SLC30A9: variants seen among roughly 807,000 people sequenced by gnomAD.
SLC30A9 encodes proton-coupled zinc antiporter SLC30A9, mitochondrial.
A neutral mutation model predicts 87.5 loss-of-function variants in SLC30A9; 58 were observed. The observed-to-expected ratio is 0.66, with a 90% CI of 0.54 to 0.82. The LOEUF is 0.82. Among genes scored for constraint, SLC30A9 ranks in the 40% least tolerant of loss-of-function variants. The probability of loss-of-function intolerance (pLI) is 0.00; values close to 1 mark genes in which losing one functional copy is unlikely to be tolerated. For synonymous variants in SLC30A9, 234 were observed against 233.0 expected (o/e 1.00, Z -0.04); for missense variants, 557 against 679.1 (o/e 0.82, Z 2.00).
intron 17 of SLC30A9, 28 bp downstream of exon 17, chr4:42,078,353 ATG>A: frequency 8.6e-7 from 1 of 1,158,684 alleles, no homozygotes; most frequent in African/African-American, 1.5e-5. Flanking sequence ...AAATAACATA[ATG>A]ATAATGGCAG....
At position 42,089,597 on chromosome 4, in the gene SLC30A9, G is replaced by A. The variant is rs1302008968; in HGVS notation, c.*3471G>A. 1.3e-5 allele frequency: 2 copies of A among 152,102 alleles called. No individual in the cohort carries two copies. The highest frequency in any genetic ancestry group is 1.3e-4 in the Admixed American group (2 of 15,244). The allele number at this position is 152,102 out of a possible 1,614,324, so 9.4% of individuals were successfully genotyped here. A position where few individuals can be genotyped will look rare whatever the true frequency, so the allele number is the denominator to read the frequency against. Reference sequence around the variant, plus strand: ...CACACCCGGCTAATTTTGTATTTCTGGTTTAGACAAGGTTTCTCCATGTTG... The same window carrying A: ...CACACCCGGCTAATTTTGTATTTCTAGTTTAGACAAGGTTTCTCCATGTTG... On this transcript the variant is annotated 3_prime_UTR_variant, in exon 18 of 18. Transcript: ENST00000264451.
chr4:42,022,847 A>G lies in SLC30A9; in HGVS notation c.444A>G (p.Glu148=). 1.3e-6 allele frequency: 2 copies of G among 1,594,242 alleles called. No homozygotes were observed. Among genetic ancestry groups the G allele is most frequent in the Admixed American group, 1.7e-5 (1 of 58,624 alleles). Residue 148 remains glutamate, a synonymous_variant, in exon 5 of 18, where the codon GAA becomes GAG. Transcript: ENST00000264451. Reference sequence around the variant, plus strand: ...ATGTTTCTTTCTCTAGTGATCTAGAACAACTTCGAAAAATCAGACGACGAA... The same window carrying G: ...ATGTTTCTTTCTCTAGTGATCTAGAGCAACTTCGAAAAATCAGACGACGAA... ...NEFCLKSSDL[E]QLRKIRRRSP... is the part of the protein sequence containing the mutation.
intron 6 of SLC30A9, among the ~76,000 whole-genome samples, chr4:42,024,993 C>T (rs1716125335): frequency 6.6e-6 from 1 of 152,190 alleles, no homozygotes; most frequent in Non-Finnish European, 1.5e-5. Flanking sequence ...AACAGTCTAT[C>T]TTGAAATTTG....
intron 16 of SLC30A9, among the ~76,000 whole-genome samples, chr4:42,076,949 G>A (rs1166283057): frequency 4.9e-5 from 6 of 122,808 alleles, no homozygotes; most frequent in Non-Finnish European, 8.1e-5. Flanking sequence ...GCGACAGAGC[G>A]AGACTCCGTC....
chr4:42,048,295 A>T (rs1717251742), intron 8 of SLC30A9, among the ~76,000 whole-genome samples: 1 of 152,202 alleles, frequency 6.6e-6, no homozygotes, highest in African/African-American at 2.4e-5. Context: ...GGAGGTTAAG[A>T]GAAATGCTAA....
intron 15 of SLC30A9, 22 bp downstream of exon 15, chr4:42,070,713 C>G: frequency 6.3e-7 from 1 of 1,580,282 alleles, no homozygotes; most frequent in Non-Finnish European, 8.6e-7. Flanking sequence ...TCCAGTAATC[C>G]TGTTAAGGCT....
At chr4:41,995,266 C>CA (rs1248839803) in intron 1 of SLC30A9, among the ~76,000 whole-genome samples, 4 of 151,292 alleles carry the variant, frequency 2.6e-5, no homozygotes, top group South Asian at 4.2e-4. Flanking sequence ...GTCCCCCCAC[C>CA]AAAAAAAAGA....
At chr4:42,043,413 T>C (rs913005615) in intron 8 of SLC30A9, among the ~76,000 whole-genome samples, 1 of 152,002 alleles carries the variant, frequency 6.6e-6, no homozygotes, top group Non-Finnish European at 1.5e-5. Flanking sequence ...CATGAGAACT[T>C]TGTGAAGCAT....
intron 6 of SLC30A9, among the ~76,000 whole-genome samples, chr4:42,024,395 T>G (rs1333408452): frequency 6.6e-6 from 1 of 152,234 alleles, no homozygotes; most frequent in Non-Finnish European, 1.5e-5. Flanking sequence ...ATCATAACCG[T>G]TTTCCATATC....
intron 6 of SLC30A9, among the ~76,000 whole-genome samples, chr4:42,031,560 T>C (rs1376869698): frequency 6.6e-6 from 1 of 152,212 alleles, no homozygotes; most frequent in African/African-American, 2.4e-5. Context: ...ATATCAGCAT[T>C]TGGCAGTACC....
At chr4:42,054,518 T>C (rs1717522687) in intron 9 of SLC30A9, among the ~76,000 whole-genome samples, 1 of 145,288 alleles carries the variant, frequency 6.9e-6, no homozygotes, top group South Asian at 2.2e-4. Flanking sequence ...TGAGACAGAG[T>C]CTCGCTCTGT....
At chr4:42,063,831 C>G (rs183861508) in intron 11 of SLC30A9, among the ~76,000 whole-genome samples, 3 of 152,264 alleles carry the variant, frequency 2.0e-5, no homozygotes, top group Admixed American at 2.0e-4. Context: ...ATCACATAGC[C>G]TACCCTCTCA....
intron 7 of SLC30A9, among the ~76,000 whole-genome samples, chr4:42,036,936 C>T (rs2153137191): frequency 6.6e-6 from 1 of 152,276 alleles, no homozygotes; most frequent in East Asian, 1.9e-4. Context: ...CACTCCTCGC[C>T]TTCACATCTG....
At chr4:41,992,818 AAG>A (rs1036966826) in intron 1 of SLC30A9, among the ~76,000 whole-genome samples, 8 of 152,226 alleles carry the variant, frequency 5.3e-5, no homozygotes, top group African/African-American at 1.7e-4. Flanking sequence ...CATTTAGAAA[AAG>A]AGTACTATTT....
chr4:42,035,881 C>T (rs772708603), intron 7 of SLC30A9, among the ~76,000 whole-genome samples: 4 of 152,114 alleles, frequency 2.6e-5, no homozygotes, highest in African/African-American at 9.7e-5. Flanking sequence ...ATGAGGAAGA[C>T]TTTATTTTCT....
At chr4:42,010,241 A>G (rs1047058299) in intron 2 of SLC30A9, among the ~76,000 whole-genome samples, 31 of 152,170 alleles carry the variant, frequency 2.0e-4, no homozygotes, top group African/African-American at 7.0e-4. Context: ...TGGGAGGCCA[A>G]GGTGAAGGAT....
In SLC30A9 at chr4:41,990,672, C is replaced by T; in HGVS notation, c.21C>T (p.Ala7=). 1 of 1,607,504 alleles carries T rather than the reference C, an allele frequency of 6.2e-7. No homozygotes were observed. The highest frequency in any genetic ancestry group is 1.1e-5 in the South Asian group (1 of 90,754). Reference sequence around the variant, plus strand: ...CCAGGATGTTACCCGGCTTGGCCGCCGCCGCGGCCCACAGATGTAGCTGGT... The same window carrying T: ...CCAGGATGTTACCCGGCTTGGCCGCTGCCGCGGCCCACAGATGTAGCTGGT... MLPGLA[A]AAAHRCSWSS... is the part of the protein sequence containing the mutation. Residue 7 remains alanine (A), a synonymous_variant, in exon 1 of 18, where the codon GCC becomes GCT. Coordinates refer to ENST00000264451, the MANE Select transcript of SLC30A9 (RefSeq NM_006345.4).
At chr4:42,074,858 T>C (rs1718456121) in intron 15 of SLC30A9, among the ~76,000 whole-genome samples, 1 of 151,440 alleles carries the variant, frequency 6.6e-6, no homozygotes, top group Admixed American at 6.6e-5. Flanking sequence ...ATGAAGACTT[T>C]TAAAGAAGCT....
rs1235808269 is a variant in SLC30A9 at position 42,020,530 on chromosome 4, A to G, written c.434+15A>G. 5 of 1,398,908 alleles carry G rather than the reference A, an allele frequency of 3.6e-6. No homozygotes were observed. In the South Asian group the frequency reaches 4.7e-5, roughly 13 times the overall value. The allele number at this position is 1,398,908 out of a possible 1,614,324, so 86.7% of individuals were successfully genotyped here. ...CTCAAATCCAGGTAATTTTTTTAAA[A>G]AATGTAGCCGTGTGTCATATCTAAA... On this transcript the variant is annotated intron_variant, in intron 4 of 17. Transcript: ENST00000264451.
Sources: allele counts gnomAD v4.1 joint callset (sites outside exome capture counted in the v4.1 genomes callset), GRCh38; gene constraint gnomAD v4.1.1; transcripts MANE v1.5; gene names NCBI Gene and HGNC (gene_info 2026-07-23, HGNC 2026-07-21).